The following BMPR1A variants were observed in gnomAD, a reference collection of about 807,000 sequenced individuals.
BMPR1A encodes bone morphogenetic protein receptor type-1A.
A neutral mutation model predicts 66.0 loss-of-function variants in BMPR1A; 7 were observed. The ratio of observed to expected loss-of-function variants is 0.11; its 90% CI spans 0.06 to 0.20. The LOEUF is 0.20. BMPR1A is among the 10% of genes least tolerant of loss of function. The probability of loss-of-function intolerance (pLI) is 1.00; values close to 1 mark genes in which losing one functional copy is unlikely to be tolerated. For missense variants in BMPR1A, 408 were observed against 669.1 expected (o/e 0.61, Z 4.31); for synonymous variants, 200 against 229.7 (o/e 0.87, Z 1.17).
intron 7 of BMPR1A, among the ~76,000 whole-genome samples, chr10:86,901,447 C>T (rs1357857483): frequency 6.6e-6 from 1 of 152,212 alleles, no homozygotes; most frequent in African/African-American, 2.4e-5. Context: ...CCAGACATAA[C>T]CACAATGGCC....
intron 7 of BMPR1A, among the ~76,000 whole-genome samples, chr10:86,905,237 G>A (rs1843369130): frequency 6.6e-6 from 1 of 152,052 alleles, no homozygotes; most frequent in Admixed American, 6.5e-5. Flanking sequence ...TGGAACCATG[G>A]CCTCCCTCCA....
Position 86,756,844 on chromosome 10 carries a change from C to T in BMPR1A, c.-343C>T, listed in dbSNP as rs1399066215. On this transcript the variant is annotated 5_prime_UTR_variant, in exon 1 of 13. Coordinates refer to ENST00000372037, the MANE Select transcript of BMPR1A (RefSeq NM_004329.3). ...GCCAAGGGCGAAGGCCGATTCGGGCCCCACTTCGCCCCGGCGGCTCGCCGC... is the reference window on the plus strand; with the variant it reads ...GCCAAGGGCGAAGGCCGATTCGGGCTCCACTTCGCCCCGGCGGCTCGCCGC... 14 of 151,716 alleles carry T rather than the reference C, an allele frequency of 9.2e-5. No individual in the cohort carries two copies. Among genetic ancestry groups the T allele is most frequent in the African/African-American group, 2.9e-4 (12 of 41,382 alleles). 9.4% of individuals were successfully genotyped at this position (151,716 alleles called of 1,614,324 possible).
intron 1 of BMPR1A, among the ~76,000 whole-genome samples, chr10:86,797,447 G>T (rs574918157): frequency 3.3e-5 from 5 of 151,954 alleles, no homozygotes; most frequent in African/African-American, 1.2e-4. Flanking sequence ...GGTTGGGCTG[G>T]TCTTGGAACT....
At chr10:86,864,177 A>G (rs984629405) in intron 2 of BMPR1A, among the ~76,000 whole-genome samples, 1 of 152,102 alleles carries the variant, frequency 6.6e-6, no homozygotes, top group Non-Finnish European at 1.5e-5. Context: ...TGGATCCTCT[A>G]CCTACATGTG....
At chr10:86,758,961 C>T (rs1277348569) in intron 1 of BMPR1A, among the ~76,000 whole-genome samples, 1 of 152,220 alleles carries the variant, frequency 6.6e-6, no homozygotes, top group African/African-American at 2.4e-5. Context: ...TACAACAGAT[C>T]CTTCCCTCAT....
At chr10:86,876,537 G>T (rs1379289872) in intron 3 of BMPR1A, among the ~76,000 whole-genome samples, 1 of 151,948 alleles carries the variant, frequency 6.6e-6, no homozygotes. Flanking sequence ...TAATCCCAGC[G>T]CTTTGGGAGG....
chr10:86,897,388 C>T (rs114711801), intron 5 of BMPR1A, among the ~76,000 whole-genome samples: 116 of 152,236 alleles, frequency 7.6e-4, no homozygotes, highest in African/African-American at 2.7e-3. Context: ...ACATAGTTAA[C>T]CTGAGTAAGA....
intron 2 of BMPR1A, among the ~76,000 whole-genome samples, chr10:86,875,009 TGTGA>T (rs1385482773): frequency 7.3e-5 from 11 of 151,482 alleles, no homozygotes; most frequent in African/African-American, 7.3e-5. Flanking sequence ...GGATTACAGG[TGTGA>T]GCCACTGCAC....
In BMPR1A at chr10:86,925,192, CTTG is replaced by C. The variant is rs779657789; in HGVS notation, c.*1476_*1478del. 17 of 230,298 alleles carry C rather than the reference CTTG, an allele frequency of 7.4e-5. No homozygotes were observed. Among genetic ancestry groups the C allele is most frequent in the Non-Finnish European group, 6.0e-5 (7 of 116,474 alleles). 14.3% of individuals were successfully genotyped at this position (230,298 alleles called of 1,614,324 possible). ...AAAATGGTTCATATTTTATAGATGC[CTTG>C]TTATCTCAAGAAATCTGATTTACAT... is the stretch of plus-strand genomic sequence containing the variant. On this transcript the variant is annotated 3_prime_UTR_variant, in exon 13 of 13. Coordinates refer to ENST00000372037, the MANE Select transcript of BMPR1A (RefSeq NM_004329.3).
chr10:86,790,432 C>G (rs1841599070), intron 1 of BMPR1A, among the ~76,000 whole-genome samples: 1 of 151,490 alleles, frequency 6.6e-6, no homozygotes, highest in Non-Finnish European at 1.5e-5. Context: ...TCCATATGAT[C>G]CAGCAGTTCC....
chr10:86,870,420 A>AGTTTT lies in BMPR1A; in HGVS notation c.-152-5430_-152-5426dup, dbSNP rs935737030. On this transcript the variant is annotated intron_variant, in intron 2 of 12. Transcript: ENST00000372037. ...TTTAATCCATTGCTAAGTACCACTG[A>AGTTTT]GTTTTGTTTTGTTTTGTTTTGAGAC... is the stretch of plus-strand genomic sequence containing the variant. 7.9e-5 allele frequency among the ~76,000 whole-genome samples: 12 copies of AGTTTT among 151,986 alleles called. No individual in the cohort carries two copies. The East Asian group carries it at 1.2e-3, about 15-fold the overall frequency.
At chr10:86,799,694 G>A (rs1026002600) in intron 1 of BMPR1A, among the ~76,000 whole-genome samples, 1 of 151,952 alleles carries the variant, frequency 6.6e-6, no homozygotes, top group Non-Finnish European at 1.5e-5. Context: ...TGGGACAACA[G>A]GCGCACATCG....
At chr10:86,868,626 A>G (rs903677085) in intron 2 of BMPR1A, among the ~76,000 whole-genome samples, 2 of 152,124 alleles carry the variant, frequency 1.3e-5, no homozygotes, top group African/African-American at 2.4e-5. Context: ...TCTCCTTGCT[A>G]TTTTATGGAA....
At chr10:86,786,505 C>A (rs553551663) in intron 1 of BMPR1A, among the ~76,000 whole-genome samples, 1 of 152,150 alleles carries the variant, frequency 6.6e-6, no homozygotes, top group Admixed American at 6.5e-5. Flanking sequence ...TACTTATTTC[C>A]TGCTCGTTGA....
rs1018979759 is a variant in BMPR1A, at chr10:86,887,124, C to T, written c.68-2938C>T. 4.6e-5 allele frequency among the ~76,000 whole-genome samples: 7 copies of T among 152,140 alleles called. No homozygotes were observed. In the East Asian group the frequency reaches 1.4e-3, roughly 29 times the overall value. On this transcript the variant is annotated intron_variant, in intron 3 of 12. Transcript: ENST00000372037. ...CTGGGATTACAGGCGTGAGCCACCG[C>T]GCCTGGCCTTTGTATTTTGTCACTT...
rs79984482 is a variant in BMPR1A, at chr10:86,895,103, G to A, written c.333+2874G>A. Among the ~76,000 whole-genome samples the A allele has an allele frequency of 6.6e-3, 998 of 152,286 alleles. 12 individuals are homozygous for A. The highest frequency in any genetic ancestry group is 0.021 in the African/African-American group (887 of 41,544). ...TAAAGGCATCAGTGTAGGCTATGTC[G>A]GGATATCAAATAAGTGTTTACATGA... is the stretch of plus-strand genomic sequence containing the variant. On this transcript the variant is annotated intron_variant, in intron 5 of 12. Coordinates refer to ENST00000372037, the MANE Select transcript of BMPR1A (RefSeq NM_004329.3).
chr10:86,846,840 G>C (rs1464345339), intron 2 of BMPR1A, among the ~76,000 whole-genome samples: 1 of 152,130 alleles, frequency 6.6e-6, no homozygotes, highest in African/African-American at 2.4e-5. Context: ...CAGAAAAAGA[G>C]GCTGTTTAGT....
chr10:86,834,130 T>A (rs1842309311), intron 1 of BMPR1A, among the ~76,000 whole-genome samples: 1 of 152,326 alleles, frequency 6.6e-6, no homozygotes, highest in South Asian at 2.1e-4. Flanking sequence ...TACTTTCTTG[T>A]CTTCTTGGCC....
At chr10:86,877,164 T>C (rs540963548) in intron 3 of BMPR1A, among the ~76,000 whole-genome samples, 1 of 152,278 alleles carries the variant, frequency 6.6e-6, no homozygotes, top group East Asian at 1.9e-4. Context: ...TATCTGCTGT[T>C]AAGAAGAAAC....
Sources: allele counts gnomAD v4.1 joint callset (sites outside exome capture counted in the v4.1 genomes callset), GRCh38; gene constraint gnomAD v4.1.1; transcripts MANE v1.5; gene names NCBI Gene and HGNC (gene_info 2026-07-23, HGNC 2026-07-21).